EPS8: variants seen among roughly 807,000 people sequenced by gnomAD.
EPS8 encodes epidermal growth factor receptor kinase substrate 8.
A neutral mutation model predicts 103.8 loss-of-function variants in EPS8; 42 were observed. The ratio of observed to expected loss-of-function variants is 0.40; its 90% CI spans 0.32 to 0.52. The LOEUF is 0.52. Among genes scored for constraint, EPS8 ranks in the 20% least tolerant of loss-of-function variants. EPS8 has a pLI of 0.40. For synonymous variants in EPS8, 344 were observed against 344.6 expected, an observed-to-expected ratio of 1.00 and a Z score of 0.02; for missense variants, 969 against 1,005.1, an observed-to-expected ratio of 0.96 and a Z score of 0.49.
At chr12:15,671,862 G>C (rs1007754129) in intron 3 of EPS8, 2 of 152,026 alleles carry the variant, frequency 1.3e-5, no homozygotes, top group Non-Finnish European at 2.9e-5. Flanking sequence ...ATTCAGAGTT[G>C]CCCTATTTCT....
intron 6 of EPS8, 37 bp downstream of exon 6, chr12:15,669,350 G>A (rs1163177302): frequency 1.3e-6 from 2 of 1,577,226 alleles, no homozygotes; most frequent in Admixed American, 3.7e-5. Context: ...CAGACAATCT[G>A]CTTAAAGAAG....
chr12:15,622,261 T>A (rs2135706168), intron 20 of EPS8, among the ~76,000 whole-genome samples: 1 of 152,268 alleles, frequency 6.6e-6, no homozygotes, highest in South Asian at 2.1e-4. Flanking sequence ...ATATTCAACA[T>A]ATGGAAAGCA....
chr12:15,631,571 G>A lies in EPS8; in HGVS notation c.1915C>T (p.Pro639Ser), dbSNP rs201909565. 6.2e-7 allele frequency: 1 copy of A among 1,613,944 alleles called. No individual in the cohort carries two copies. The highest frequency in any genetic ancestry group is 1.3e-5 in the African/African-American group (1 of 74,910). The change falls in exon 18 of 21, where the codon CCT (proline) becomes TCT (serine). Residue 639 changes from proline (P) to serine (S), a missense_variant. Transcript: ENST00000281172. ...ACAGGAACAGGTGCTGGAGTGGAAG[G>A]GGGAAGGGGAACAGGAACAGGAGCT... ...TPAPVPVPLPPSTPAPVPVSK... is the reference protein window; with the variant it reads ...TPAPVPVPLPSSTPAPVPVSK...
chr12:15,726,549 G>A (rs1401036321), intron 1 of EPS8, among the ~76,000 whole-genome samples: 1 of 152,156 alleles, frequency 6.6e-6, no homozygotes, highest in Non-Finnish European at 1.5e-5. Context: ...AAAGCCTGAT[G>A]TCTGTGTGGT....
In EPS8 at chr12:15,681,243, C is replaced by G; in HGVS notation, c.119G>C (p.Ser40Thr). Residue 40 changes from serine to threonine, a missense_variant, in exon 3 of 21, where the codon AGT becomes ACT. Physicochemically the swap from Ser to Thr is moderately conservative, Grantham distance 58. Transcript: ENST00000281172. ...QTDREHGSKTSAKALYEQRKN... is the reference protein window; with the variant it reads ...QTDREHGSKTTAKALYEQRKN... ...AAACCTACCATAAAGGGCCTTTGCA[C>G]TTGTTTTTGAACCATGTTCTCTGTC... 1 of 1,568,734 alleles carries G rather than the reference C, an allele frequency of 6.4e-7. No individual in the cohort carries two copies. Among genetic ancestry groups the G allele is most frequent in the Non-Finnish European group, 8.7e-7 (1 of 1,152,802 alleles).
chr12:15,692,271 T>A (rs1411467075), intron 1 of EPS8, among the ~76,000 whole-genome samples: 1 of 151,910 alleles, frequency 6.6e-6, no homozygotes, highest in African/African-American at 2.4e-5. Flanking sequence ...CCTTTACACA[T>A]GATGGACCGT....
chr12:15,771,264 T>C lies in EPS8; in HGVS notation c.-22+17897A>G, dbSNP rs1947151371. ...ACTGAAGTATACAGATGAAAGTGTA[T>C]AGTACCTCACTTTGGCTAATGAGTA... is the stretch of plus-strand genomic sequence containing the variant. On this transcript the variant is annotated intron_variant, in intron 1 of 20. Transcript: ENST00000281172. The surrounding 1 kb of genome is among the most constrained non-coding windows in gnomAD (Gnocchi z 4.6). 6.6e-6 allele frequency among the ~76,000 whole-genome samples: 1 copy of C among 152,186 alleles called. No homozygotes were observed. The highest frequency in any genetic ancestry group is 2.1e-4 in the South Asian group (1 of 4,830).
intron 1 of EPS8, among the ~76,000 whole-genome samples, chr12:15,773,857 A>T (rs916935028): frequency 1.3e-5 from 2 of 152,180 alleles, no homozygotes; most frequent in Non-Finnish European, 2.9e-5. Context: ...CACATTGGTA[A>T]CTATAATTCT....
intron 1 of EPS8, among the ~76,000 whole-genome samples, chr12:15,758,744 G>A (rs1489011840): frequency 6.6e-6 from 1 of 152,166 alleles, no homozygotes; most frequent in Non-Finnish European, 1.5e-5. Flanking sequence ...TATTCAATGA[G>A]TGCTAAATTT....
At chr12:15,631,322 T>G in intron 18 of EPS8, 120 bp downstream of exon 18, 1 of 1,392,518 alleles carries the variant, frequency 7.2e-7, no homozygotes, top group Non-Finnish European at 9.7e-7. Context: ...CTTTGCAATC[T>G]ATTAAGTACC....
In EPS8 at chr12:15,738,096, T is replaced by C. The variant is rs1047312462; in HGVS notation, c.-22+51065A>G. On this transcript the variant is annotated intron_variant, in intron 1 of 20. Coordinates refer to ENST00000281172, the MANE Select transcript of EPS8 (RefSeq NM_004447.6). This position sits in a 1 kb window ranked among gnomAD's most constrained non-coding sequence, Gnocchi z 6.2. ...TATATAAACTACCGAAATAGATATA[T>C]TTCCTAGTGTTATTTTTGGTAGATA... 2.6e-5 allele frequency among the ~76,000 whole-genome samples: 4 copies of C among 152,232 alleles called. No homozygotes were observed. Among genetic ancestry groups the C allele is most frequent in the Non-Finnish European group, 5.9e-5 (4 of 68,026 alleles).
At position 15,757,987 on chromosome 12, in the gene EPS8, G is replaced by A. The variant is rs760204404; in HGVS notation, c.-22+31174C>T. On this transcript the variant is annotated intron_variant, in intron 1 of 20. Transcript: ENST00000281172. This position sits in a 1 kb window ranked among gnomAD's most constrained non-coding sequence, Gnocchi z 4.1. ...AGCCAGCGGTTGGAATCATCTGAAG[G>A]CCTATTCACTGTCAGCTTGAGACCT... 6.6e-6 allele frequency among the ~76,000 whole-genome samples: 1 copy of A among 152,166 alleles called. No individual in the cohort carries two copies. The highest frequency in any genetic ancestry group is 1.5e-5 in the Non-Finnish European group (1 of 68,038).
intron 1 of EPS8, chr12:15,732,829 A>G (rs1054572264): frequency 3.7e-6 from 3 of 818,672 alleles, no homozygotes; most frequent in African/African-American, 1.9e-5. Context: ...ATTAAAGGAC[A>G]TGTTGTTAAT....
At chr12:15,744,105 A>G (rs1279927702) in intron 1 of EPS8, among the ~76,000 whole-genome samples, 1 of 152,256 alleles carries the variant, frequency 6.6e-6, no homozygotes, top group Non-Finnish European at 1.5e-5. Flanking sequence ...GGCAAAGGAT[A>G]TGAACTGACA....
chr12:15,788,352 T>C (rs1186914947), intron 1 of EPS8, among the ~76,000 whole-genome samples: 3 of 152,206 alleles, frequency 2.0e-5, no homozygotes, highest in Non-Finnish European at 2.9e-5. Context: ...TTTCAAATCC[T>C]AACCACGGCG....
Position 15,777,778 on chromosome 12 carries a change from G to A in EPS8, c.-22+11383C>T, listed in dbSNP as rs986551168. On this transcript the variant is annotated intron_variant, in intron 1 of 20. Transcript: ENST00000281172. This position sits in a 1 kb window ranked among gnomAD's most constrained non-coding sequence, Gnocchi z 4.7. ...GGGAACAGCTGGGAGGAGGAAAAGA[G>A]TTGGGAAAGGGGGTGATGAAGGAAA... Among the ~76,000 whole-genome samples, 2 of 152,184 alleles carry A rather than the reference G, an allele frequency of 1.3e-5. No homozygotes were observed. Among genetic ancestry groups the A allele is most frequent in the Admixed American group, 1.3e-4 (2 of 15,274 alleles).
chr12:15,694,530 G>C (rs958211942), intron 1 of EPS8, among the ~76,000 whole-genome samples: 5 of 151,632 alleles, frequency 3.3e-5, no homozygotes, highest in African/African-American at 7.3e-5. Flanking sequence ...ATAAAACCTG[G>C]AATTCATCCT....
At position 15,785,542 on chromosome 12, in the gene EPS8, A is replaced by C. The variant is rs138910102; in HGVS notation, c.-22+3619T>G. Among the ~76,000 whole-genome samples, 156 of 152,284 alleles carry C rather than the reference A, an allele frequency of 1.0e-3. No homozygotes were observed. The highest frequency in any genetic ancestry group is 3.6e-3 in the African/African-American group (150 of 41,580). ...TAAATTCATAGTTAAACATGGATACAAACTGTTACATAAAAATATGTACAG... is the reference window on the plus strand; with the variant it reads ...TAAATTCATAGTTAAACATGGATACCAACTGTTACATAAAAATATGTACAG... On this transcript the variant is annotated intron_variant, in intron 1 of 20. Coordinates refer to ENST00000281172, the MANE Select transcript of EPS8 (RefSeq NM_004447.6). This position sits in a 1 kb window ranked among gnomAD's most constrained non-coding sequence, Gnocchi z 4.9.
intron 1 of EPS8, among the ~76,000 whole-genome samples, chr12:15,773,630 A>G (rs1231567471): frequency 2.0e-5 from 3 of 152,212 alleles, no homozygotes; most frequent in South Asian, 4.1e-4. Context: ...AGTACTTATT[A>G]GAAAGAATAA....
Sources: gnomAD v4.1 joint callset for allele counts (sites outside exome capture counted in the v4.1 genomes callset) on GRCh38, gnomAD v4.1.1 for gene constraint, Gnocchi (gnomAD v3.1) non-coding constraint, MANE v1.5 for transcripts, NCBI Gene and HGNC (gene_info 2026-07-23, HGNC 2026-07-21) for gene names.